The following EXOSC7 variants were observed in gnomAD, a reference collection of about 807,000 sequenced individuals.
EXOSC7 encodes exosome component 7.
In EXOSC7, 25 loss-of-function variants were observed where a neutral mutation model predicts 34.3. The observed-to-expected ratio is 0.73, with a 90% confidence interval of 0.53 to 1.02. The LOEUF (loss-of-function observed/expected upper bound fraction) is 1.02, where lower values mean the gene tolerates loss of function less well. Among genes scored for constraint, EXOSC7 ranks in the 50% least tolerant of loss-of-function variants. EXOSC7 has a pLI of 0.00. For missense variants in EXOSC7, 370 were observed against 368.5 expected (o/e 1.00, Z -0.03); for synonymous variants, 130 against 143.0 (o/e 0.91, Z 0.65).
intron 7 of EXOSC7, among the ~76,000 whole-genome samples, chr3:45,010,173 T>C (rs1379995799): frequency 6.6e-6 from 1 of 152,232 alleles, no homozygotes; most frequent in Admixed American, 6.5e-5. Context: ...GTTGGTTCTT[T>C]GTATTCTTAA....
chr3:44,990,945 C>T (rs1706553500), intron 3 of EXOSC7, among the ~76,000 whole-genome samples: 1 of 152,156 alleles, frequency 6.6e-6, no homozygotes, highest in Non-Finnish European at 1.5e-5. Context: ...AAATGTTAAC[C>T]CACTTTTGTA....
intron 2 of EXOSC7, 94 bp from the exon 3 acceptor site, chr3:44,989,456 A>G (rs1332098025): frequency 2.8e-6 from 3 of 1,053,122 alleles, no homozygotes; most frequent in African/African-American, 3.2e-5. Context: ...CTCCTAAAAG[A>G]GTCCCCCAGG....
intron 7 of EXOSC7, among the ~76,000 whole-genome samples, chr3:45,010,209 A>G (rs912411673): frequency 1.3e-5 from 2 of 152,182 alleles, no homozygotes; most frequent in Non-Finnish European, 2.9e-5. Context: ...CAGAGACAGA[A>G]TAACAGTTTC....
chr3:45,005,911 T>G (rs1707024191), intron 6 of EXOSC7, among the ~76,000 whole-genome samples: 1 of 152,084 alleles, frequency 6.6e-6, no homozygotes, highest in Non-Finnish European at 1.5e-5. Context: ...CAAAGAGGCC[T>G]GTATTGGCTA....
Position 45,010,564 on chromosome 3 carries a change from GTTTTGTTTTGT to G in EXOSC7, c.772-661_772-651del, listed in dbSNP as rs1465935316. Among the ~76,000 whole-genome samples the G allele has an allele frequency of 4.6e-5, 7 of 152,120 alleles. No homozygotes were observed. The East Asian group carries it at 1.4e-3, about 29-fold the overall frequency. On this transcript the variant is annotated intron_variant, in intron 7 of 7. Coordinates refer to ENST00000265564, the MANE Select transcript of EXOSC7 (RefSeq NM_015004.4). ...ACTCCCAGCCATATTGAGTTTTTTTGTTTTGTTTTGTTTTTGTTTTTGTTTTTTTTACCTCT... is the reference window on the plus strand; with the variant it reads ...ACTCCCAGCCATATTGAGTTTTTTTGTTTTGTTTTTGTTTTTTTTACCTCT...
At chr3:44,998,929 G>A (rs1349296979) in intron 4 of EXOSC7, among the ~76,000 whole-genome samples, 4 of 152,136 alleles carry the variant, frequency 2.6e-5, no homozygotes, top group South Asian at 2.1e-4. Flanking sequence ...GCCCCATGAC[G>A]TGAACTCTCC....
At chr3:44,980,973 G>A (rs1357709286) in intron 1 of EXOSC7, among the ~76,000 whole-genome samples, 2 of 152,090 alleles carry the variant, frequency 1.3e-5, no homozygotes, top group Non-Finnish European at 2.9e-5. Flanking sequence ...TGGCTTACTG[G>A]GCTAGATGTG....
intron 3 of EXOSC7, among the ~76,000 whole-genome samples, chr3:44,991,164 G>T (rs1320155597): frequency 6.6e-6 from 1 of 152,204 alleles, no homozygotes; most frequent in Non-Finnish European, 1.5e-5. Flanking sequence ...TTGGAGGGCT[G>T]CTCTTGGGGA....
intron 1 of EXOSC7, among the ~76,000 whole-genome samples, chr3:44,981,615 A>G (rs747714743): frequency 4.6e-5 from 7 of 151,874 alleles, no homozygotes; most frequent in South Asian, 2.1e-4. Context: ...GGATTTTTCA[A>G]TTATCTCAAG....
In EXOSC7 at chr3:45,007,512, G is replaced by A. The variant is rs750803381; in HGVS notation, c.708G>A (p.Val236=). The change falls in exon 7 of 8, where the codon GTG becomes GTA. Residue 236 remains valine (V), a synonymous_variant. Coordinates refer to ENST00000265564, the MANE Select transcript of EXOSC7 (RefSeq NM_015004.4). ...TGTCGGTGACCAGCAAGGGAGTTGT[G>A]ACGTGCATGAGGAAAGTGGGGAAGG... The part of the protein sequence containing the change: ...LLVSVTSKGV[V]TCMRKVGKGS... 6.2e-7 allele frequency: 1 copy of A among 1,614,058 alleles called. No individual in the cohort carries two copies. Among genetic ancestry groups the A allele is most frequent in the Non-Finnish European group, 8.5e-7 (1 of 1,179,952 alleles).
At chr3:44,996,977 G>A (rs1706738075) in intron 3 of EXOSC7, 110 bp from the exon 4 acceptor site, 13 of 1,104,486 alleles carry the variant, frequency 1.2e-5, no homozygotes, top group Middle Eastern at 2.1e-4. Flanking sequence ...ACTTTCTGTC[G>A]AGCAGCTGGC....
intron 4 of EXOSC7, among the ~76,000 whole-genome samples, chr3:45,000,084 G>C (rs913970070): frequency 6.6e-6 from 1 of 152,170 alleles, no homozygotes; most frequent in Non-Finnish European, 1.5e-5. Context: ...TATTTTATGA[G>C]AGTGAAAATT....
intron 1 of EXOSC7, among the ~76,000 whole-genome samples, chr3:44,980,032 CA>C (rs1706233510): frequency 6.6e-6 from 1 of 152,006 alleles, no homozygotes; most frequent in Non-Finnish European, 1.5e-5. Flanking sequence ...CCAAAGGGGC[CA>C]GGGGAGGAAA....
At position 44,989,199 on chromosome 3, in the gene EXOSC7, T is replaced by G; in HGVS notation, c.117T>G (p.Thr39=). Residue 39 remains threonine, a synonymous_variant, in exon 2 of 8, where the codon ACT becomes ACG. Transcript: ENST00000265564. ...ACTACCGATGTGTCGAAGTGGAAAC[T>G]GATGTGGTGTCCAACACTAGTGGGT... ...CEDYRCVEVE[T]DVVSNTSGSA... is the part of the protein sequence containing the mutation. 1.2e-6 allele frequency: 2 copies of G among 1,614,164 alleles called. No homozygotes were observed. Among genetic ancestry groups the G allele is most frequent in the Non-Finnish European group, 1.7e-6 (2 of 1,180,012 alleles).
At chr3:44,989,700 T>A in intron 3 of EXOSC7, 56 bp downstream of exon 3, 1 of 1,362,928 alleles carries the variant, frequency 7.3e-7, no homozygotes, top group Non-Finnish European at 1.0e-6. Context: ...AGATGAAGAT[T>A]CAGAAAATGA....
chr3:44,978,586 C>T (rs927855661), intron 1 of EXOSC7, among the ~76,000 whole-genome samples: 1 of 152,116 alleles, frequency 6.6e-6, no homozygotes, highest in African/African-American at 2.4e-5. Context: ...AAAACGGACA[C>T]GATCTAGACT....
chr3:44,976,275 A>G lies in EXOSC7; in HGVS notation c.-3A>G, dbSNP rs756036427. On this transcript the variant is annotated 5_prime_UTR_variant, in exon 1 of 8. Coordinates refer to ENST00000265564, the MANE Select transcript of EXOSC7 (RefSeq NM_015004.4). Reference sequence around the variant, plus strand: ...CGTGCGGCTCGTGGGGCAGCTCGGCAGCATGGCGTCCGTGACGCTGAGCGA... The same window carrying G: ...CGTGCGGCTCGTGGGGCAGCTCGGCGGCATGGCGTCCGTGACGCTGAGCGA... 3 of 1,559,114 alleles carry G rather than the reference A, an allele frequency of 1.9e-6. No individual in the cohort carries two copies. Among genetic ancestry groups the G allele is most frequent in the African/African-American group, 1.4e-5 (1 of 70,720 alleles).
rs570000058 is a variant in EXOSC7, at chr3:45,009,544, T to A, written c.772-1691T>A. 7.9e-4 allele frequency among the ~76,000 whole-genome samples: 120 copies of A among 152,206 alleles called. 1 individual carries two copies. Among genetic ancestry groups the A allele is most frequent in the African/African-American group, 2.8e-3 (118 of 41,534 alleles). ...TTTTTCTAATGTTATGGGAAAATCTTTCCAAAGGCCCTTTTTTTTTTTGAG... is the reference window on the plus strand; with the variant it reads ...TTTTTCTAATGTTATGGGAAAATCTATCCAAAGGCCCTTTTTTTTTTTGAG... On this transcript the variant is annotated intron_variant, in intron 7 of 7. Coordinates refer to ENST00000265564, the MANE Select transcript of EXOSC7 (RefSeq NM_015004.4).
intron 3 of EXOSC7, among the ~76,000 whole-genome samples, chr3:44,990,223 T>G (rs1379092756): frequency 6.6e-6 from 1 of 152,212 alleles, no homozygotes; most frequent in African/African-American, 2.4e-5. Flanking sequence ...TCAGTCTCAC[T>G]GTGGCCAAAT....
Sources: allele counts gnomAD v4.1 joint callset (sites outside exome capture counted in the v4.1 genomes callset), GRCh38; gene constraint gnomAD v4.1.1; transcripts MANE v1.5; gene names NCBI Gene and HGNC (gene_info 2026-07-23, HGNC 2026-07-21).